Variants in RASGRP3 observed in about 807,000 individuals in gnomAD.
The protein encoded by RASGRP3 is RAS guanyl releasing protein 3, also known as ras guanyl-releasing protein 3.
In RASGRP3, 54 loss-of-function variants were observed where a neutral mutation model predicts 82.7. The observed-to-expected ratio is 0.65, with a 90% confidence interval of 0.52 to 0.82. RASGRP3 has a LOEUF of 0.82. Ranked by LOEUF, RASGRP3 falls within the 40% of genes least tolerant of loss-of-function variation. The pLI is 0.00. For missense variants in RASGRP3, 861 were observed against 828.9 expected, an observed-to-expected ratio of 1.04 and a Z score of -0.48; for synonymous variants, 309 against 300.5, an observed-to-expected ratio of 1.03 and a Z score of -0.29.
At chr2:33,451,289 T>G (rs1009504584) in intron 2 of RASGRP3, among the ~76,000 whole-genome samples, 1 of 152,222 alleles carries the variant, frequency 6.6e-6, no homozygotes, top group African/African-American at 2.4e-5. Context: ...TTTGAGTTCC[T>G]TACATATTTT....
At chr2:33,487,285 T>A (rs906643493) in intron 1 of RASGRP3, among the ~76,000 whole-genome samples, 1 of 151,972 alleles carries the variant, frequency 6.6e-6, no homozygotes, top group African/African-American at 2.4e-5. Flanking sequence ...TGGAAAAAAA[T>A]TTCTGAAGGC....
At chr2:33,454,333 A>T (rs1365361400) in intron 2 of RASGRP3, among the ~76,000 whole-genome samples, 1 of 152,206 alleles carries the variant, frequency 6.6e-6, no homozygotes, top group African/African-American at 2.4e-5. Flanking sequence ...TCTCTGTTTG[A>T]TGTAACCCTG....
Position 33,464,110 on chromosome 2 carries a change from A to AATC in RASGRP3, c.-261+16169_-261+16170insCAT, listed in dbSNP as rs1398514920. ...AATATTCAAACTTAATAATAATAAT[A>AATC]ATTATTATTATTATTATTATTATTA... On this transcript the variant is annotated intron_variant, in intron 2 of 18. Coordinates refer to the RASGRP3 transcript ENST00000402538. Among the ~76,000 whole-genome samples the AATC allele has an allele frequency of 3.2e-4, 46 of 144,260 alleles. No individual in the cohort carries two copies. The East Asian group carries it at 5.9e-3, about 19-fold the overall frequency. 94.6% of individuals were successfully genotyped at this position (144,260 alleles called of 152,430 possible).
intron 14 of RASGRP3, 77 bp from the exon 15 acceptor site, chr2:33,555,454 A>T: frequency 7.7e-7 from 1 of 1,303,578 alleles, no homozygotes. Context: ...GCTTCCCAGG[A>T]CTTCCTTTTC....
chr2:33,455,218 G>T (rs1223497535), intron 2 of RASGRP3, among the ~76,000 whole-genome samples: 1 of 152,178 alleles, frequency 6.6e-6, no homozygotes, highest in Non-Finnish European at 1.5e-5. Context: ...GTTTTTCAAA[G>T]AAGATTTTTC....
chr2:33,508,309 G>A (rs1310719244), intron 1 of RASGRP3, among the ~76,000 whole-genome samples: 1 of 152,146 alleles, frequency 6.6e-6, no homozygotes, highest in African/African-American at 2.4e-5. Context: ...ATCCATTACG[G>A]ACTTCTGAGT....
At chr2:33,546,038 G>C (rs1241603985) in intron 13 of RASGRP3, among the ~76,000 whole-genome samples, 1 of 151,606 alleles carries the variant, frequency 6.6e-6, no homozygotes, top group Non-Finnish European at 1.5e-5. Context: ...TTGAACTCCT[G>C]AACTCAGGTG....
At position 33,549,766 on chromosome 2, in the gene RASGRP3, C is replaced by T. The variant is rs532351843; in HGVS notation, c.1542+15C>T. On this transcript the variant is annotated intron_variant, in intron 14 of 17. Transcript: ENST00000403687. The stretch of plus-strand genomic sequence containing the variant: ...GTGCGGGATTTGTAAGTCTGTTTTC[C>T]GTTGTTTTCTTATGTGTGTAGTTAT... The T allele has an allele frequency of 1.9e-5, 30 of 1,609,266 alleles. No homozygotes were observed. The highest frequency in any genetic ancestry group is 2.4e-5 in the Non-Finnish European group (28 of 1,177,856).
intron 13 of RASGRP3, among the ~76,000 whole-genome samples, chr2:33,547,918 C>T (rs1036999470): frequency 1.3e-5 from 2 of 151,984 alleles, no homozygotes; most frequent in African/African-American, 2.4e-5. Context: ...AACATGTCTC[C>T]GTGTTACCTC....
rs1553359126 is a variant in RASGRP3 at position 33,537,330 on chromosome 2, CCA to C, written c.1162-1751_1162-1750del. Among the ~76,000 whole-genome samples the C allele has an allele frequency of 9.4e-5, 9 of 95,680 alleles. 1 individual carries two copies. The highest frequency in any genetic ancestry group is 3.2e-4 in the South Asian group (1 of 3,124). The allele number at this position is 95,680 out of a possible 152,430, so 62.8% of individuals were successfully genotyped here. On this transcript the variant is annotated intron_variant, in intron 11 of 17. Coordinates refer to ENST00000403687, the MANE Select transcript of RASGRP3 (RefSeq NM_001139488.2). ...TACACACACACACACACCGCCCCCC[CCA>C]CACACACACACAAGTATATATATCT...
At chr2:33,454,198 T>A (rs1213579599) in intron 2 of RASGRP3, among the ~76,000 whole-genome samples, 1 of 152,228 alleles carries the variant, frequency 6.6e-6, no homozygotes, top group Non-Finnish European at 1.5e-5. Context: ...GAAATGGCTG[T>A]ATTTTCACTG....
chr2:33,454,322 T>C (rs1012145230), intron 2 of RASGRP3, among the ~76,000 whole-genome samples: 3 of 152,256 alleles, frequency 2.0e-5, no homozygotes, highest in Non-Finnish European at 4.4e-5. Flanking sequence ...ATCTATACTT[T>C]TCTCTGTTTG....
At chr2:33,469,526 C>G (rs1666930043) in intron 2 of RASGRP3, among the ~76,000 whole-genome samples, 1 of 150,166 alleles carries the variant, frequency 6.7e-6, no homozygotes, top group South Asian at 2.1e-4. Flanking sequence ...GTGGCGCGAT[C>G]TTGACTCACT....
chr2:33,527,216 G>T lies in RASGRP3; in HGVS notation c.887G>T (p.Gly296Val), dbSNP rs769525309. 6.2e-7 allele frequency: 1 copy of T among 1,613,920 alleles called. No individual in the cohort carries two copies. The highest frequency in any genetic ancestry group is 1.3e-5 in the African/African-American group (1 of 74,926). The change falls in exon 10 of 18, where the codon GGC becomes GTC. Residue 296 changes from glycine to valine, a missense_variant. Gly to Val is a moderately radical substitution (Grantham distance 109). Coordinates refer to ENST00000403687, the MANE Select transcript of RASGRP3 (RefSeq NM_001139488.2). ...NYRKAFADCD[G>V]FKIPILGVHL... Reference sequence around the variant, plus strand: ...CGCAAGGCCTTTGCCGACTGCGATGGCTTCAAAATCCCCATCCTTGGAGTA... The same window carrying T: ...CGCAAGGCCTTTGCCGACTGCGATGTCTTCAAAATCCCCATCCTTGGAGTA...
intron 2 of RASGRP3, among the ~76,000 whole-genome samples, chr2:33,455,421 A>G (rs1665987858): frequency 6.6e-6 from 1 of 152,222 alleles, no homozygotes; most frequent in African/African-American, 2.4e-5. Context: ...TTATTTTATC[A>G]TCCCAGTGAT....
chr2:33,439,025 G>A (rs963137603), intron 1 of RASGRP3, among the ~76,000 whole-genome samples: 15 of 152,298 alleles, frequency 9.8e-5, no homozygotes, highest in Middle Eastern at 3.4e-3. Flanking sequence ...CTGACGCTGG[G>A]TGGGGTAGAG....
intron 13 of RASGRP3, among the ~76,000 whole-genome samples, chr2:33,546,548 C>G (rs546338664): frequency 6.6e-6 from 1 of 152,212 alleles, no homozygotes; most frequent in Non-Finnish European, 1.5e-5. Context: ...ATGGCGATTC[C>G]TCAAGCAGCT....
intron 1 of RASGRP3, among the ~76,000 whole-genome samples, chr2:33,495,732 T>TA (rs1669248151): frequency 6.6e-6 from 1 of 151,486 alleles, no homozygotes; most frequent in Non-Finnish European, 1.5e-5. Context: ...TCTCTTAAAA[T>TA]AAAAAAAGAA....
chr2:33,437,138 A>G (rs1184711685), intron 1 of RASGRP3, among the ~76,000 whole-genome samples: 1 of 152,224 alleles, frequency 6.6e-6, no homozygotes, highest in Non-Finnish European at 1.5e-5. Context: ...AATCTTCTAG[A>G]ACCACAAAAA....
Sources: gnomAD v4.1 joint callset for allele counts (sites outside exome capture counted in the v4.1 genomes callset) on GRCh38, gnomAD v4.1.1 for gene constraint, MANE v1.5 for transcripts, NCBI Gene and HGNC (gene_info 2026-07-23, HGNC 2026-07-21) for gene names.